Variants in GAS2L3 observed in about 807,000 individuals in gnomAD.
GAS2L3 encodes the protein GAS2-like protein 3.
In GAS2L3, 28 loss-of-function variants were observed where a neutral mutation model predicts 37.0. The ratio of observed to expected loss-of-function variants is 0.76; its 90% CI spans 0.56 to 1.04. The LOEUF (loss-of-function observed/expected upper bound fraction) is 1.04, where lower values mean the gene tolerates loss of function less well. Ranked by LOEUF, GAS2L3 falls within the 50% of genes least tolerant of loss-of-function variation. The pLI is 0.00. For missense variants in GAS2L3, 793 were observed against 817.6 expected, an observed-to-expected ratio of 0.97 and a Z score of 0.37; for synonymous variants, 290 against 296.6, an observed-to-expected ratio of 0.98 and a Z score of 0.23.
intron 1 of GAS2L3, among the ~76,000 whole-genome samples, chr12:100,588,795 G>A (rs1955811273): frequency 6.6e-6 from 1 of 152,110 alleles, no homozygotes; most frequent in African/African-American, 2.4e-5. Flanking sequence ...TTCCTTGCTA[G>A]AAAAAGAACT....
intron 5 of GAS2L3, among the ~76,000 whole-genome samples, chr12:100,601,958 G>T (rs966154456): frequency 2.0e-5 from 3 of 151,952 alleles, no homozygotes; most frequent in Non-Finnish European, 2.9e-5. Context: ...CCCTTTTCAA[G>T]ATCTGGAAAA....
At chr12:100,588,195 G>A (rs1010102569) in intron 1 of GAS2L3, among the ~76,000 whole-genome samples, 5 of 152,120 alleles carry the variant, frequency 3.3e-5, no homozygotes, top group African/African-American at 1.2e-4. Flanking sequence ...TAAAATATTG[G>A]GGGAACCCAC....
At chr12:100,599,602 G>A (rs1955958452) in intron 3 of GAS2L3, among the ~76,000 whole-genome samples, 1 of 152,164 alleles carries the variant, frequency 6.6e-6, no homozygotes, top group South Asian at 2.1e-4. Flanking sequence ...TTTTTTTAAA[G>A]ATAACACTGT....
intron 5 of GAS2L3, among the ~76,000 whole-genome samples, chr12:100,603,257 CA>C (rs1054262629): frequency 1.3e-5 from 2 of 152,136 alleles, no homozygotes; most frequent in Non-Finnish European, 2.9e-5. Context: ...ATATTACCAC[CA>C]GCAGTGTATG....
intron 5 of GAS2L3, among the ~76,000 whole-genome samples, chr12:100,607,628 C>T (rs1217225553): frequency 2.0e-5 from 3 of 151,708 alleles, no homozygotes; most frequent in African/African-American, 7.3e-5. Flanking sequence ...CTTTTCTTTT[C>T]TCTACTCTGT....
intron 1 of GAS2L3, among the ~76,000 whole-genome samples, chr12:100,588,249 C>T (rs371418926): frequency 1.4e-3 from 206 of 152,144 alleles, no homozygotes; most frequent in African/African-American, 4.8e-3. Context: ...CCATAAGTGT[C>T]GGCTGACTGA....
chr12:100,607,919 G>C (rs925145620), intron 5 of GAS2L3, among the ~76,000 whole-genome samples: 1 of 152,078 alleles, frequency 6.6e-6, no homozygotes, highest in Non-Finnish European at 1.5e-5. Context: ...ATTGGTCCCT[G>C]GTACCTTATT....
At chr12:100,586,490 A>G (rs2136403328) in intron 1 of GAS2L3, among the ~76,000 whole-genome samples, 1 of 152,364 alleles carries the variant, frequency 6.6e-6, no homozygotes, top group East Asian at 1.9e-4. Flanking sequence ...CATTGGGTCA[A>G]AAACGAAATC....
At chr12:100,622,770 A>G (rs902469507) in intron 9 of GAS2L3, among the ~76,000 whole-genome samples, 6 of 147,606 alleles carry the variant, frequency 4.1e-5, no homozygotes, top group African/African-American at 7.4e-5. Context: ...AAAAAAAAAA[A>G]AAAAAAAAAA....
At chr12:100,602,174 C>A (rs1437249616) in intron 5 of GAS2L3, among the ~76,000 whole-genome samples, 1 of 152,108 alleles carries the variant, frequency 6.6e-6, no homozygotes, top group Non-Finnish European at 1.5e-5. Context: ...TGGTTCCTGG[C>A]ACACAAGTAG....
rs1956324019 is a variant in GAS2L3, at chr12:100,625,554, A to T, written c.*664A>T. The T allele has an allele frequency of 6.6e-6, 1 of 151,952 alleles. No individual in the cohort carries two copies. Among genetic ancestry groups the T allele is most frequent in the Non-Finnish European group, 1.5e-5 (1 of 67,932 alleles). 9.4% of individuals were successfully genotyped at this position (151,952 alleles called of 1,614,324 possible). The stretch of plus-strand genomic sequence containing the variant: ...TATTTTGTCACCAATATTTTTGGTT[A>T]AAAAAAATCCAACAAATTAACTTAC... On this transcript the variant is annotated 3_prime_UTR_variant, in exon 10 of 10. Transcript: ENST00000547754.
Position 100,624,219 on chromosome 12 carries a change from A to C in GAS2L3, c.1414A>C (p.Lys472Gln). ...PNKCSGKTQP[K>Q]YLKHNHISSR... Reference sequence around the variant, plus strand: ...TAAGTGTTCAGGAAAAACTCAACCTAAGTATTTGAAACATAATCATATTTC... The same window carrying C: ...TAAGTGTTCAGGAAAAACTCAACCTCAGTATTTGAAACATAATCATATTTC... Residue 472 changes from lysine to glutamine, a missense_variant, in exon 10 of 10, where the codon AAG becomes CAG. By Grantham distance (53) the Lys-to-Gln change is moderately conservative (BLOSUM62 1). Coordinates refer to ENST00000547754, the MANE Select transcript of GAS2L3 (RefSeq NM_174942.3). 6.2e-7 allele frequency: 1 copy of C among 1,614,052 alleles called. No homozygotes were observed. The highest frequency in any genetic ancestry group is 8.5e-7 in the Non-Finnish European group (1 of 1,179,998).
chr12:100,620,575 T>C (rs938608808), intron 8 of GAS2L3, among the ~76,000 whole-genome samples: 5 of 152,018 alleles, frequency 3.3e-5, no homozygotes, highest in Non-Finnish European at 5.9e-5. Context: ...TATATCTGCA[T>C]TCTTGTTATG....
intron 6 of GAS2L3, chr12:100,612,388 T>C (rs1287460948): frequency 2.5e-6 from 1 of 407,748 alleles, no homozygotes; most frequent in Non-Finnish European, 4.3e-6. Context: ...ATGAGTTGGC[T>C]ACAGGAAGGT....
intron 1 of GAS2L3, among the ~76,000 whole-genome samples, chr12:100,577,453 G>A (rs1955651386): frequency 6.6e-6 from 1 of 152,226 alleles, no homozygotes; most frequent in East Asian, 1.9e-4. Flanking sequence ...TTCAGGTTGG[G>A]TCTCTGCCAA....
intron 3 of GAS2L3, among the ~76,000 whole-genome samples, chr12:100,597,581 C>T (rs1955929509): frequency 6.6e-6 from 1 of 151,916 alleles, no homozygotes; most frequent in Non-Finnish European, 1.5e-5. Context: ...CCTTAAATAA[C>T]TTACATTTCT....
rs555140582 is a variant in GAS2L3 at position 100,625,630 on chromosome 12, G to A, written c.*740G>A. ...AATTTTTTATATTATCTATAAAAAC[G>A]TAGACACCTTATGTTTCACATGTTG... On this transcript the variant is annotated 3_prime_UTR_variant, in exon 10 of 10. Transcript: ENST00000547754. The A allele has an allele frequency of 2.6e-5, 4 of 151,958 alleles. No individual in the cohort carries two copies. The highest frequency in any genetic ancestry group is 2.1e-4 in the South Asian group (1 of 4,822). 9.4% of individuals were successfully genotyped at this position (151,958 alleles called of 1,614,324 possible). A position where few individuals can be genotyped will look rare whatever the true frequency, so the allele number is the denominator to read the frequency against.
chr12:100,624,711 G>A lies in GAS2L3; in HGVS notation c.1906G>A (p.Ala636Thr), dbSNP rs765178860. 14 of 1,613,956 alleles carry A rather than the reference G, an allele frequency of 8.7e-6. No individual in the cohort carries two copies. Among genetic ancestry groups the A allele is most frequent in the Non-Finnish European group, 1.2e-5 (14 of 1,179,998 alleles). The change falls in exon 10 of 10, where the codon GCT becomes ACT. Residue 636 changes from alanine to threonine, a missense_variant. Physicochemically the swap from Ala to Thr is moderately conservative, Grantham distance 58. Coordinates refer to ENST00000547754, the MANE Select transcript of GAS2L3 (RefSeq NM_174942.3). ...QTAPKSAQTV[A>T]KSQHSTKGPP... ...TGCACCGAAGTCAGCACAGACTGTC[G>A]CTAAGAGCCAGCATTCAACTAAAGG...
chr12:100,579,345 A>C, intron 1 of GAS2L3: 1 of 698,832 alleles, frequency 1.4e-6, no homozygotes, highest in East Asian at 2.5e-5. Flanking sequence ...CTGATTACTG[A>C]AATAGTGTCT....
Sources: allele counts gnomAD v4.1 joint callset (sites outside exome capture counted in the v4.1 genomes callset), GRCh38; gene constraint gnomAD v4.1.1; transcripts MANE v1.5; gene names NCBI Gene and HGNC (gene_info 2026-07-23, HGNC 2026-07-21).